DIS3L2: variants seen among roughly 807,000 people sequenced by gnomAD.
DIS3L2 encodes DIS3 like 3'-5' exoribonuclease 2.
In DIS3L2, 34 loss-of-function variants were observed where a neutral mutation model predicts 97.5. That is an observed-to-expected ratio of 0.35 (90% CI 0.27 to 0.46). The LOEUF is 0.46. Among genes scored for constraint, DIS3L2 ranks in the 20% least tolerant of loss-of-function variants. The pLI, the probability that DIS3L2 is intolerant of heterozygous loss-of-function variation, is 1.00. For missense variants in DIS3L2, 1,038 were observed against 1,146.0 expected (o/e 0.91, Z 1.36); for synonymous variants, 435 against 445.2 (o/e 0.98, Z 0.29).
chr2:232,326,042 T>C (rs550971986), intron 14 of DIS3L2, among the ~76,000 whole-genome samples: 3 of 152,260 alleles, frequency 2.0e-5, no homozygotes, highest in Admixed American at 2.0e-4. Context: ...CTGCCTAGGC[T>C]GTGCACCTAG....
chr2:232,218,973 C>T (rs1388946413), intron 10 of DIS3L2, among the ~76,000 whole-genome samples: 4 of 152,338 alleles, frequency 2.6e-5, no homozygotes, highest in South Asian at 2.1e-4. Flanking sequence ...CCTTAACACA[C>T]GCACAGTGGG....
chr2:232,270,894 CT>C (rs1693983385), intron 13 of DIS3L2, among the ~76,000 whole-genome samples: 1 of 148,390 alleles, frequency 6.7e-6, no homozygotes, highest in Admixed American at 6.6e-5. Context: ...CTCTCTCTCT[CT>C]CTCTCTCTCT....
At chr2:232,259,345 A>G (rs1693656486) in intron 12 of DIS3L2, among the ~76,000 whole-genome samples, 1 of 152,140 alleles carries the variant, frequency 6.6e-6, no homozygotes, top group Non-Finnish European at 1.5e-5. Context: ...CAATGCCAGC[A>G]TAGGCGGTGA....
chr2:232,260,196 T>C (rs1264075848), intron 12 of DIS3L2: 2 of 152,354 alleles, frequency 1.3e-5, no homozygotes, highest in African/African-American at 4.8e-5. Flanking sequence ...CAGCCCAATG[T>C]AGACGCACAG....
At chr2:232,059,180 T>G (rs1695632591) in intron 5 of DIS3L2, among the ~76,000 whole-genome samples, 1 of 152,212 alleles carries the variant, frequency 6.6e-6, no homozygotes, top group Non-Finnish European at 1.5e-5. Context: ...AGAAGAATTC[T>G]TGCAACAGCA....
intron 1 of DIS3L2, among the ~76,000 whole-genome samples, chr2:231,967,390 A>G (rs944930958): frequency 6.6e-6 from 1 of 152,190 alleles, no homozygotes; most frequent in Non-Finnish European, 1.5e-5. Context: ...ATGCTGAGGG[A>G]TTCAGAGAGA....
chr2:232,162,836 G>GT (rs1690694170), intron 8 of DIS3L2, among the ~76,000 whole-genome samples: 1 of 152,122 alleles, frequency 6.6e-6, no homozygotes, highest in Non-Finnish European at 1.5e-5. Flanking sequence ...CTTCTGAAAG[G>GT]TGGAACCCTG....
At chr2:232,079,599 C>CAAAAAAAAA (rs760870721) in intron 5 of DIS3L2, among the ~76,000 whole-genome samples, 3 of 29,614 alleles carry the variant, frequency 1.0e-4, no homozygotes, top group African/African-American at 1.7e-4. Context: ...GACTCTATCT[C>CAAAAAAAAA]AAAAAAAAAA....
At chr2:232,333,317 T>TCCC (rs1695825898) in intron 16 of DIS3L2, among the ~76,000 whole-genome samples, 2 of 122,792 alleles carry the variant, frequency 1.6e-5, no homozygotes, top group Admixed American at 8.2e-5. Context: ...CTCCTCCTCC[T>TCCC]CCCCCACCCC....
At chr2:232,169,192 A>G (rs746957140) in intron 9 of DIS3L2, among the ~76,000 whole-genome samples, 1 of 152,214 alleles carries the variant, frequency 6.6e-6, no homozygotes, top group Non-Finnish European at 1.5e-5. Flanking sequence ...TGTCAAAAGA[A>G]GTAAGATTGA....
intron 9 of DIS3L2, among the ~76,000 whole-genome samples, chr2:232,181,197 G>A (rs923175135): frequency 3.4e-5 from 5 of 148,838 alleles, no homozygotes; most frequent in African/African-American, 1.2e-4. Flanking sequence ...AGTCTGATGG[G>A]CTTCCCTTTG....
At chr2:232,183,203 C>T (rs1691340063) in intron 9 of DIS3L2, among the ~76,000 whole-genome samples, 1 of 152,224 alleles carries the variant, frequency 6.6e-6, no homozygotes, top group Non-Finnish European at 1.5e-5. Flanking sequence ...GGACTTTCCA[C>T]TCTCCAAAAC....
chr2:232,171,434 T>G (rs1175390895), intron 9 of DIS3L2, among the ~76,000 whole-genome samples: 1 of 152,176 alleles, frequency 6.6e-6, no homozygotes, highest in Non-Finnish European at 1.5e-5. Flanking sequence ...TTTAGAGCTG[T>G]CTCATTCTTG....
intron 9 of DIS3L2, among the ~76,000 whole-genome samples, chr2:232,184,600 T>C (rs575134589): frequency 9.9e-5 from 15 of 152,066 alleles, no homozygotes; most frequent in Admixed American, 5.9e-4. Flanking sequence ...CAGTGAGCTG[T>C]GATCGCGCCA....
At chr2:232,232,189 A>G (rs1193717658) in intron 10 of DIS3L2, among the ~76,000 whole-genome samples, 1 of 150,298 alleles carries the variant, frequency 6.7e-6, no homozygotes, top group Non-Finnish European at 1.5e-5. Flanking sequence ...GTGATAGAGG[A>G]TGGTGTGCAG....
chr2:232,116,027 C>T (rs778123169), intron 6 of DIS3L2, among the ~76,000 whole-genome samples: 5 of 151,998 alleles, frequency 3.3e-5, no homozygotes, highest in Non-Finnish European at 7.4e-5. Flanking sequence ...CAAAAATTAG[C>T]CTGGCATGGT....
At chr2:232,166,219 G>A (rs936832498) in intron 9 of DIS3L2, among the ~76,000 whole-genome samples, 2 of 151,974 alleles carry the variant, frequency 1.3e-5, no homozygotes, top group African/African-American at 2.4e-5. Context: ...TAATCATGCC[G>A]CTACACTCCA....
chr2:232,189,626 CAAT>C (rs1321481674), intron 9 of DIS3L2, among the ~76,000 whole-genome samples: 4 of 152,120 alleles, frequency 2.6e-5, no homozygotes, highest in Non-Finnish European at 5.9e-5. Flanking sequence ...ATCCTTGAGA[CAAT>C]AGTAGTGTTC....
intron 6 of DIS3L2, among the ~76,000 whole-genome samples, chr2:232,099,251 T>G (rs566999409): frequency 6.6e-6 from 1 of 151,982 alleles, no homozygotes; most frequent in Non-Finnish European, 1.5e-5. Context: ...AGTCTAGCTG[T>G]GTTGCCCAGG....
Sources: allele counts gnomAD v4.1 joint callset (sites outside exome capture counted in the v4.1 genomes callset), GRCh38; gene constraint gnomAD v4.1.1; transcripts MANE v1.5; gene names NCBI Gene and HGNC (gene_info 2026-07-23, HGNC 2026-07-21).